The following MMP17 variants were observed in gnomAD, a reference collection of about 807,000 sequenced individuals.
The protein encoded by MMP17 is matrix metallopeptidase 17.
A neutral mutation model predicts 49.1 loss-of-function variants in MMP17; 54 were observed. The observed-to-expected ratio is 1.10, with a 90% CI of 0.88 to 1.38. The LOEUF (loss-of-function observed/expected upper bound fraction) is 1.38, where lower values mean the gene tolerates loss of function less well. Among genes scored for constraint, MMP17 ranks in the 40% most tolerant of loss-of-function variants. MMP17 has a pLI of 0.00. For missense variants in MMP17, 837 were observed against 853.7 expected (o/e 0.98, Z 0.24); for synonymous variants, 397 against 383.1 (o/e 1.04, Z -0.42).
chr12:131,838,828 G>A, intron 3 of MMP17, 87 bp downstream of exon 3: 2 of 1,466,416 alleles, frequency 1.4e-6, no homozygotes, highest in Non-Finnish European at 1.8e-6. Context: ...GTGGAGGTGG[G>A]CGCGTGGCCA....
chr12:131,836,371 A>C (rs1227737632), intron 1 of MMP17, among the ~76,000 whole-genome samples: 2 of 152,122 alleles, frequency 1.3e-5, no homozygotes, highest in African/African-American at 4.8e-5. Context: ...GCTGGTGGGC[A>C]GGAGGGTTGG....
At position 131,844,781 on chromosome 12, in the gene MMP17, C is replaced by T. The variant is rs1310989399; in HGVS notation, c.969-337C>T. On this transcript the variant is annotated intron_variant, in intron 6 of 9. Transcript: ENST00000360564. Reference sequence around the variant, plus strand: ...TTCTTGTAGGACCGAATTCTAGGCCCGGGCTTGGGGTCCCGTGGCGTGGGG... The same window carrying T: ...TTCTTGTAGGACCGAATTCTAGGCCTGGGCTTGGGGTCCCGTGGCGTGGGG... 6.8e-5 allele frequency: 24 copies of T among 352,202 alleles called. No homozygotes were observed. The Admixed American group carries it at 9.3e-4, about 14-fold the overall frequency. The allele number at this position is 352,202 out of a possible 1,614,324, so 21.8% of individuals were successfully genotyped here.
chr12:131,835,453 C>T (rs11246840), intron 1 of MMP17, among the ~76,000 whole-genome samples: 7,170 of 152,338 alleles, frequency 0.047, 537 homozygotes, highest in African/African-American at 0.16. Flanking sequence ...CTCCACTTTC[C>T]TGAAATGCAT....
rs922869805 is a variant in MMP17, at chr12:131,841,800, G to C, written c.883G>C (p.Gly295Arg). The C allele has an allele frequency of 6.3e-7, 1 of 1,584,384 alleles. No individual in the cohort carries two copies. Among genetic ancestry groups the C allele is most frequent in the Non-Finnish European group, 8.6e-7 (1 of 1,167,444 alleles). The change falls in exon 5 of 10, where the codon GGT (glycine) becomes CGT (arginine). Residue 295 changes from glycine to arginine, a missense_variant and splice_region_variant. By Grantham distance (125) the Gly-to-Arg change is moderately radical. Transcript: ENST00000360564. ...EDKVRVWQLYGVRESVSPTAQ... is the reference protein window; with the variant it reads ...EDKVRVWQLYRVRESVSPTAQ... Reference sequence around the variant, plus strand: ...CAAGGTGCGCGTCTGGCAGCTGTACGGTGAGTGTCTCCCCGAAGCCAGACA... The same window carrying C: ...CAAGGTGCGCGTCTGGCAGCTGTACCGTGAGTGTCTCCCCGAAGCCAGACA...
chr12:131,841,985 T>C (rs1887441152), intron 5 of MMP17, among the ~76,000 whole-genome samples, 185 bp downstream of exon 5: 1 of 152,148 alleles, frequency 6.6e-6, no homozygotes, highest in Non-Finnish European at 1.5e-5. Context: ...CCAGAGCCCC[T>C]AGATCAGAAT....
chr12:131,844,940 G>GATTAAAA, intron 6 of MMP17, 178 bp from the exon 7 acceptor site: 1 of 478,734 alleles, frequency 2.1e-6, no homozygotes, highest in South Asian at 3.5e-5. Context: ...CCCGCCCGCT[G>GATTAAAA]AAGCGGTGGA....
chr12:131,832,967 G>A (rs1886902755), intron 1 of MMP17, among the ~76,000 whole-genome samples: 1 of 152,110 alleles, frequency 6.6e-6, no homozygotes, highest in Non-Finnish European at 1.5e-5. Context: ...TGTTCCCTGA[G>A]CACCCATTTC....
chr12:131,830,921 G>C (rs1351046470), intron 1 of MMP17, among the ~76,000 whole-genome samples: 1 of 152,184 alleles, frequency 6.6e-6, no homozygotes, highest in Non-Finnish European at 1.5e-5. Flanking sequence ...TGAGTTTTTT[G>C]TCTTTCTGTG....
At chr12:131,847,710 G>C (rs553636267) in intron 8 of MMP17, among the ~76,000 whole-genome samples, 1 of 152,270 alleles carries the variant, frequency 6.6e-6, no homozygotes. Context: ...GGTGTTCTGA[G>C]CCCCGAGCCG....
Position 131,851,015 on chromosome 12 carries a change from G to T in MMP17, c.1553G>T (p.Arg518Leu), listed in dbSNP as rs199664815. 8 of 1,606,626 alleles carry T rather than the reference G, an allele frequency of 5.0e-6. No homozygotes were observed. The East Asian group carries it at 1.6e-4, about 32-fold the overall frequency. The change falls in exon 10 of 10, where the codon CGG (arginine) becomes CTG (leucine). Residue 518 changes from arginine (R) to leucine (L), a missense_variant. Transcript: ENST00000360564. ...CCCGGGTACCCACAGTCCACGGCCC[G>T]GGACTGGCTGGTGTGTGGAGACTCA... ...VAPGYPQSTA[R>L]DWLVCGDSQA...
At chr12:131,848,822 C>G (rs956273879) in intron 8 of MMP17, among the ~76,000 whole-genome samples, 1 of 152,214 alleles carries the variant, frequency 6.6e-6, no homozygotes, top group East Asian at 1.9e-4. Context: ...CGCCTGCTCA[C>G]TTGGGTTTCC....
intron 8 of MMP17, among the ~76,000 whole-genome samples, chr12:131,847,184 G>A (rs1051569454): frequency 1.4e-4 from 21 of 151,568 alleles, no homozygotes; most frequent in Non-Finnish European, 2.4e-4. Context: ...AGGCCGAGGC[G>A]GGCAGATTAC....
intron 1 of MMP17, among the ~76,000 whole-genome samples, 173 bp downstream of exon 1, chr12:131,828,826 AG>A (rs1429309536): frequency 6.6e-6 from 1 of 151,834 alleles, no homozygotes; most frequent in Non-Finnish European, 1.5e-5. Context: ...ACGCGGGCTG[AG>A]CGACCGGGCG....
At position 131,849,799 on chromosome 12, in the gene MMP17, C is replaced by G; in HGVS notation, c.1205-3C>G. The G allele has an allele frequency of 6.2e-7, 1 of 1,607,990 alleles. No individual in the cohort carries two copies. Among genetic ancestry groups the G allele is most frequent in the African/African-American group, 1.3e-5 (1 of 74,946 alleles). ...GGCCCACAGCTGTTTCTCTCGCCCC[C>G]AGGAGACAGGTACTGGGTGTTCAAG... On this transcript the variant is annotated splice_polypyrimidine_tract_variant and splice_region_variant and intron_variant, in intron 8 of 9. Coordinates refer to ENST00000360564, the MANE Select transcript of MMP17 (RefSeq NM_016155.7).
At chr12:131,829,721 C>T (rs1566079361) in intron 1 of MMP17, among the ~76,000 whole-genome samples, 1 of 152,232 alleles carries the variant, frequency 6.6e-6, no homozygotes, top group Non-Finnish European at 1.5e-5. Context: ...AGGTGTATTT[C>T]AGGCAGTCGA....
At position 131,851,394 on chromosome 12, in the gene MMP17, C is replaced by A; in HGVS notation, c.*120C>A. 1 of 939,576 alleles carries A rather than the reference C, an allele frequency of 1.1e-6. No individual in the cohort carries two copies. Among genetic ancestry groups the A allele is most frequent in the Non-Finnish European group, 1.4e-6 (1 of 706,048 alleles). The allele number at this position is 939,576 out of a possible 1,614,324, so 58.2% of individuals were successfully genotyped here. A position where few individuals can be genotyped will look rare whatever the true frequency, so the allele number is the denominator to read the frequency against. On this transcript the variant is annotated 3_prime_UTR_variant, in exon 10 of 10. Transcript: ENST00000360564. ...GCGGGATGAGGACGGGCCACCCTGG[C>A]ACCGGAAGGCCAGCAGAGGGCACTG...
In MMP17 at chr12:131,845,416, C is replaced by T. The variant is rs775074248; in HGVS notation, c.1171C>T (p.Arg391Cys). The T allele has an allele frequency of 9.5e-6, 15 of 1,580,678 alleles. No homozygotes were observed. Among genetic ancestry groups the T allele is most frequent in the Admixed American group, 8.5e-5 (5 of 58,998 alleles). ...HLDSVDAVYE[R>C]TSDHKIVFFK... ...GGACAGCGTGGACGCCGTGTACGAGCGCACCAGCGACCACAAGATCGTCTT... is the reference window on the plus strand; with the variant it reads ...GGACAGCGTGGACGCCGTGTACGAGTGCACCAGCGACCACAAGATCGTCTT... Residue 391 changes from arginine to cysteine, a missense_variant, in exon 8 of 10, where the codon CGC becomes TGC. By Grantham distance (180) the Arg-to-Cys change is radical. Transcript: ENST00000360564.
At chr12:131,830,108 C>G (rs1437468654) in intron 1 of MMP17, among the ~76,000 whole-genome samples, 1 of 152,200 alleles carries the variant, frequency 6.6e-6, no homozygotes, top group African/African-American at 2.4e-5. Flanking sequence ...CGGGGCAATG[C>G]CAGGGAAGGA....
chr12:131,828,456 C>G lies in MMP17; in HGVS notation c.-39C>G. ...GCTGCGGAACGCGAAGCGGAGGGCGCGGGACCCTGCACGCCGCCCGCGGGC... is the reference window on the plus strand; with the variant it reads ...GCTGCGGAACGCGAAGCGGAGGGCGGGGGACCCTGCACGCCGCCCGCGGGC... On this transcript the variant is annotated 5_prime_UTR_variant, in exon 1 of 10. Transcript: ENST00000360564. The G allele has an allele frequency of 1.0e-6, 1 of 985,238 alleles. No individual in the cohort carries two copies. The highest frequency in any genetic ancestry group is 1.2e-6 in the Non-Finnish European group (1 of 829,282). The allele number at this position is 985,238 out of a possible 1,614,324, so 61.0% of individuals were successfully genotyped here. A position where few individuals can be genotyped will look rare whatever the true frequency, so the allele number is the denominator to read the frequency against.
Sources: allele counts gnomAD v4.1 joint callset (sites outside exome capture counted in the v4.1 genomes callset), GRCh38; gene constraint gnomAD v4.1.1; transcripts MANE v1.5; gene names NCBI Gene and HGNC (gene_info 2026-07-23, HGNC 2026-07-21).